SERF2: variants seen among roughly 807,000 people sequenced by gnomAD.
SERF2 encodes gastric cancer-related protein VRG107.
In SERF2, 4 loss-of-function variants were observed where a neutral mutation model predicts 10.7. That is an observed-to-expected ratio of 0.37 (90% CI 0.18 to 0.86). The LOEUF (loss-of-function observed/expected upper bound fraction) is 0.86. SERF2 is among the 40% of genes least tolerant of loss of function. The pLI is 0.43. For missense variants in SERF2, 47 were observed against 79.1 expected (o/e 0.59, Z 1.54); for synonymous variants, 26 against 26.0 (o/e 1.00, Z 0.01).
chr15:43,794,197 A>C lies in SERF2; in HGVS notation c.*424A>C. ...ATCACAGAAGAAGCCTTTATTATAC[A>C]ATGACAACCAAACAAGTACTCCGGA... On this transcript the variant is annotated 3_prime_UTR_variant, in exon 3 of 3. Transcript: ENST00000249786. The C allele has an allele frequency of 1.9e-6, 1 of 517,680 alleles. No homozygotes were observed. The allele number at this position is 517,680 out of a possible 1,614,324, so 32.1% of individuals were successfully genotyped here.
Position 43,795,002 on chromosome 15 carries a change from A to C in SERF2, c.*1229A>C. ...GAACCCCAGTTTGTGAAAAGGACTT[A>C]GACTGGAGGATATTTGTTATCTGGG... On this transcript the variant is annotated 3_prime_UTR_variant, in exon 3 of 3. Coordinates refer to ENST00000249786, the MANE Select transcript of SERF2 (RefSeq NM_001018108.4). 1 of 1,608,906 alleles carries C rather than the reference A, an allele frequency of 6.2e-7. No individual in the cohort carries two copies. Among genetic ancestry groups the C allele is most frequent in the Non-Finnish European group, 8.5e-7 (1 of 1,178,312 alleles).
upstream of SERF2, among the ~76,000 whole-genome samples, chr15:43,791,344 C>T (rs1045272655): frequency 2.6e-5 from 4 of 152,004 alleles, no homozygotes; most frequent in Admixed American, 2.0e-4. Flanking sequence ...CGGGTTCAAG[C>T]GATTCTCCTG....
upstream of SERF2, among the ~76,000 whole-genome samples, chr15:43,788,100 C>T (rs1301293295): frequency 2.0e-4 from 30 of 152,112 alleles, 1 homozygote; most frequent in Admixed American, 1.4e-3. Context: ...GTCTTGAACT[C>T]CTGACCTCAA....
In SERF2 at chr15:43,795,227, G is replaced by A. The variant is rs1402058639; in HGVS notation, c.*1454G>A. 1.9e-6 allele frequency: 3 copies of A among 1,613,290 alleles called. No individual in the cohort carries two copies. Among genetic ancestry groups the A allele is most frequent in the Non-Finnish European group, 2.5e-6 (3 of 1,179,412 alleles). The stretch of plus-strand genomic sequence containing the variant: ...GCTCCCTCATAGCTGTGTAACCAAA[G>A]GCTCTGGTTAGAGAATATGAAGGGC... On this transcript the variant is annotated 3_prime_UTR_variant, in exon 3 of 3. Coordinates refer to ENST00000249786, the MANE Select transcript of SERF2 (RefSeq NM_001018108.4).
chr15:43,793,165 G>A (rs1387677112), intron 2 of SERF2, 82 bp downstream of exon 2: 4 of 849,208 alleles, frequency 4.7e-6, no homozygotes, highest in Non-Finnish European at 7.8e-6. Context: ...AGCTACCTCA[G>A]GGCTTGAATG....
At chr15:43,782,741 T>G (rs1244230895) in intron 1 of SERF2, among the ~76,000 whole-genome samples, 1 of 152,176 alleles carries the variant, frequency 6.6e-6, no homozygotes, top group Admixed American at 6.5e-5. Context: ...ACTCCCTCAT[T>G]TTGGTGCAAA....
chr15:43,789,023 C>T (rs1405519252), upstream of SERF2, among the ~76,000 whole-genome samples: 1 of 151,910 alleles, frequency 6.6e-6, no homozygotes, highest in Admixed American at 6.5e-5. Flanking sequence ...GTGGCGGGCG[C>T]CTGTAGTCCC....
At chr15:43,786,928 T>G (rs2087011985) in intron 2 of SERF2, among the ~76,000 whole-genome samples, 1 of 152,066 alleles carries the variant, frequency 6.6e-6, no homozygotes, top group South Asian at 2.1e-4. Context: ...TTAGGCCACA[T>G]GCTCACTCCT....
At chr15:43,786,404 G>C (rs1458260679) in intron 2 of SERF2, among the ~76,000 whole-genome samples, 1 of 128,200 alleles carries the variant, frequency 7.8e-6, no homozygotes, top group East Asian at 2.4e-4. Flanking sequence ...CACAGAGCAA[G>C]ACTCTGTCTC....
chr15:43,795,350 G>C lies in SERF2; in HGVS notation c.*1577G>C, dbSNP rs760370133. The stretch of plus-strand genomic sequence containing the variant: ...AATTGCTCTTTCCTTAAAATAGCTA[G>C]CTCTTCAGGAGAGTATCTAAGGCCC... On this transcript the variant is annotated 3_prime_UTR_variant, in exon 3 of 3. Transcript: ENST00000249786. The C allele has an allele frequency of 1.8e-5, 29 of 1,610,046 alleles. No individual in the cohort carries two copies. Among genetic ancestry groups the C allele is most frequent in the Non-Finnish European group, 2.4e-5 (28 of 1,176,650 alleles).
In SERF2 at chr15:43,795,584, ACCT is replaced by A; in HGVS notation, c.*1813_*1815del. The A allele has an allele frequency of 6.2e-7, 1 of 1,613,050 alleles. No individual in the cohort carries two copies. The highest frequency in any genetic ancestry group is 8.5e-7 in the Non-Finnish European group (1 of 1,179,258). On this transcript the variant is annotated 3_prime_UTR_variant, in exon 3 of 3. Coordinates refer to ENST00000249786, the MANE Select transcript of SERF2 (RefSeq NM_001018108.4). ...CTGCTGGGAGCAGAGCTGCTGAAAC[ACCT>A]CTTCCCCTCTCCCCCAACTACCTTT...
chr15:43,784,601 T>C (rs1473949164), intron 1 of SERF2, among the ~76,000 whole-genome samples: 1 of 151,928 alleles, frequency 6.6e-6, no homozygotes, highest in Non-Finnish European at 1.5e-5. Flanking sequence ...CCCGAGTAGC[T>C]GGGACTACAG....
upstream of SERF2, chr15:43,792,297 T>C (rs1049322508): frequency 2.7e-5 from 34 of 1,242,152 alleles, no homozygotes; most frequent in East Asian, 3.0e-4. Context: ...CTGTGCTACG[T>C]TGCCAGAAGG....
At chr15:43,792,721 G>A (rs1408926076) in intron 1 of SERF2, 1 of 970,824 alleles carries the variant, frequency 1.0e-6, no homozygotes, top group Non-Finnish European at 1.5e-6. Context: ...CAGCTGTTTG[G>A]GCCCCACGCC....
At chr15:43,785,586 C>T (rs961988294) in intron 2 of SERF2, 3 of 151,974 alleles carry the variant, frequency 2.0e-5, no homozygotes, top group African/African-American at 7.2e-5. Context: ...TTATAAACTC[C>T]CTATTGTTGT....
At chr15:43,785,955 C>T (rs1455083552) in intron 2 of SERF2, among the ~76,000 whole-genome samples, 1 of 151,840 alleles carries the variant, frequency 6.6e-6, no homozygotes, top group Non-Finnish European at 1.5e-5. Flanking sequence ...ATCTGCCCGT[C>T]TCGGCCTCCC....
upstream of SERF2, among the ~76,000 whole-genome samples, chr15:43,788,967 G>A (rs1428778448): frequency 6.6e-6 from 1 of 152,026 alleles, no homozygotes; most frequent in Non-Finnish European, 1.5e-5. Flanking sequence ...GGCTAACACG[G>A]TGTAACCCCG....
In SERF2 at chr15:43,795,266, C is replaced by A. The variant is rs1596044861; in HGVS notation, c.*1493C>A. On this transcript the variant is annotated 3_prime_UTR_variant, in exon 3 of 3. Coordinates refer to ENST00000249786, the MANE Select transcript of SERF2 (RefSeq NM_001018108.4). ...AATATGAAGGGCCTTAGCTTTTAGA[C>A]CTGTTCTACCTCCTCACCAAATATA... 1 of 1,595,346 alleles carries A rather than the reference C, an allele frequency of 6.3e-7. No individual in the cohort carries two copies. The highest frequency in any genetic ancestry group is 8.6e-7 in the Non-Finnish European group (1 of 1,163,586).
chr15:43,795,156 C>T lies in SERF2; in HGVS notation c.*1383C>T, dbSNP rs1391252551. 1.2e-6 allele frequency: 2 copies of T among 1,614,088 alleles called. No homozygotes were observed. Among genetic ancestry groups the T allele is most frequent in the Admixed American group, 3.3e-5 (2 of 60,008 alleles). ...AGGCCCAGCATGAGGCAACCTTGACCCAGAAGGTGGCCCAGCTACCCTTGA... is the reference window on the plus strand; with the variant it reads ...AGGCCCAGCATGAGGCAACCTTGACTCAGAAGGTGGCCCAGCTACCCTTGA... On this transcript the variant is annotated 3_prime_UTR_variant, in exon 3 of 3. Transcript: ENST00000249786.
Sources: gnomAD v4.1 joint callset for allele counts (sites outside exome capture counted in the v4.1 genomes callset) on GRCh38, gnomAD v4.1.1 for gene constraint, MANE v1.5 for transcripts, NCBI Gene and HGNC (gene_info 2026-07-23, HGNC 2026-07-21) for gene names.